Variants in ENTREP2 observed in about 807,000 individuals in gnomAD.
The protein encoded by ENTREP2 is protein ENTREP2.
At chr15:29,631,500 G>C in the ENTREP2 span, among the ~76,000 whole-genome samples, 2 of 152,180 alleles carry the variant, frequency 1.3e-5, no homozygotes, top group Non-Finnish European at 2.9e-5. Flanking sequence ...CTGTAGTCAA[G>C]TTTGTTAGTG....
At chr15:29,156,802 C>T in the ENTREP2 span, among the ~76,000 whole-genome samples, 1 of 152,140 alleles carries the variant, frequency 6.6e-6, no homozygotes, top group Non-Finnish European at 1.5e-5. Flanking sequence ...GGGCCAGGGA[C>T]TGTGGGAGAG....
the ENTREP2 span, among the ~76,000 whole-genome samples, chr15:29,254,495 A>G: frequency 8.5e-5 from 13 of 152,204 alleles, no homozygotes; most frequent in Non-Finnish European, 1.8e-4. Context: ...AACTGCTTGT[A>G]ACATCTTACT....
At chr15:29,352,782 T>C in the ENTREP2 span, among the ~76,000 whole-genome samples, 3 of 152,236 alleles carry the variant, frequency 2.0e-5, no homozygotes, top group East Asian at 3.8e-4. Context: ...ATTTTATTCC[T>C]TTTTGCTTAT....
At chr15:29,328,945 G>C in the ENTREP2 span, among the ~76,000 whole-genome samples, 1 of 152,086 alleles carries the variant, frequency 6.6e-6, no homozygotes, top group Non-Finnish European at 1.5e-5. Context: ...TACCCCTGTA[G>C]GTGCCTGAAA....
the ENTREP2 span, among the ~76,000 whole-genome samples, chr15:29,446,307 A>G: frequency 6.6e-6 from 1 of 152,254 alleles, no homozygotes; most frequent in South Asian, 2.1e-4. Flanking sequence ...CCCAGACCAC[A>G]CTGGCTTAGG....
chr15:29,652,134 G>A, the ENTREP2 span, among the ~76,000 whole-genome samples: 2 of 152,152 alleles, frequency 1.3e-5, no homozygotes, highest in Non-Finnish European at 2.9e-5. Flanking sequence ...GCTGCAGAGA[G>A]AGCCTTCCCA....
the ENTREP2 span, among the ~76,000 whole-genome samples, chr15:29,242,846 C>G: frequency 1.3e-5 from 2 of 152,188 alleles, no homozygotes; most frequent in Non-Finnish European, 2.9e-5. Context: ...GATGTCCCAC[C>G]GACTCTGGAA....
chr15:29,519,257 A>C, the ENTREP2 span, among the ~76,000 whole-genome samples: 1 of 152,096 alleles, frequency 6.6e-6, no homozygotes, highest in Non-Finnish European at 1.5e-5. Context: ...ATCAATAAAT[A>C]TACAGCTGAC....
At chr15:29,647,343 C>T in the ENTREP2 span, among the ~76,000 whole-genome samples, 7 of 152,190 alleles carry the variant, frequency 4.6e-5, no homozygotes, top group African/African-American at 1.7e-4. Context: ...TCAAAAGTGT[C>T]TCACAGAAGT....
the ENTREP2 span, among the ~76,000 whole-genome samples, chr15:29,215,574 T>C: frequency 8.2e-6 from 1 of 121,492 alleles, no homozygotes; most frequent in Non-Finnish European, 1.7e-5. Flanking sequence ...CTCAAATATA[T>C]ATAATATATA....
the ENTREP2 span, among the ~76,000 whole-genome samples, chr15:29,227,524 G>A: frequency 2.6e-5 from 4 of 152,288 alleles, no homozygotes; most frequent in South Asian, 6.2e-4. Flanking sequence ...AGGGTCATCA[G>A]GCTCATCAGC....
At chr15:29,292,631 T>G in the ENTREP2 span, among the ~76,000 whole-genome samples, 1 of 152,224 alleles carries the variant, frequency 6.6e-6, no homozygotes, top group Non-Finnish European at 1.5e-5. Flanking sequence ...TCTGCCCTGC[T>G]CGGCCTCCCA....
chr15:29,303,855 A>G, the ENTREP2 span, among the ~76,000 whole-genome samples: 1 of 152,022 alleles, frequency 6.6e-6, no homozygotes, highest in African/African-American at 2.4e-5. Context: ...ATAGTATTCC[A>G]TGGTTTATAT....
chr15:29,383,631 C>T, the ENTREP2 span, among the ~76,000 whole-genome samples: 2 of 152,154 alleles, frequency 1.3e-5, no homozygotes, highest in African/African-American at 4.8e-5. Flanking sequence ...GGGCATGATG[C>T]TGACAAACTC....
chr15:29,668,539 ATGT>A, the ENTREP2 span, among the ~76,000 whole-genome samples: 1 of 152,222 alleles, frequency 6.6e-6, no homozygotes, highest in African/African-American at 2.4e-5. Context: ...ATTGGTGAAC[ATGT>A]TGTGGTATAT....
At chr15:29,269,918 T>C in the ENTREP2 span, 1 of 496,550 alleles carries the variant, frequency 2.0e-6, no homozygotes, top group South Asian at 3.5e-5. Flanking sequence ...GCGTTTTCCG[T>C]GCAGCCCTGC....
At chr15:29,635,267 C>T in the ENTREP2 span, among the ~76,000 whole-genome samples, 1,039 of 152,252 alleles carry the variant, frequency 6.8e-3, 8 homozygotes, top group African/African-American at 0.024. Flanking sequence ...AGGTGTTGCT[C>T]GTAACCAGCC....
chr15:29,311,533 T>C, the ENTREP2 span, among the ~76,000 whole-genome samples: 2 of 152,186 alleles, frequency 1.3e-5, no homozygotes, highest in Middle Eastern at 3.4e-3. Flanking sequence ...CTACTAAAAA[T>C]ACAAAAATTA....
the ENTREP2 span, among the ~76,000 whole-genome samples, chr15:29,254,321 T>C: frequency 2.0e-5 from 3 of 152,202 alleles, no homozygotes; most frequent in Non-Finnish European, 4.4e-5. Context: ...ATAAAACTGA[T>C]AGTAGTGCAA....
Sources: allele counts gnomAD v4.1 joint callset (sites outside exome capture counted in the v4.1 genomes callset), GRCh38; gene constraint gnomAD v4.1.1; transcripts MANE v1.5; gene names NCBI Gene and HGNC (gene_info 2026-07-23, HGNC 2026-07-21).